Variants in SGCZ observed in about 807,000 individuals in gnomAD.
SGCZ encodes the protein zeta-sarcoglycan.
SGCZ carries 40 observed loss-of-function variants against 41.3 expected under a neutral mutation model. The ratio of observed to expected loss-of-function variants is 0.97; its 90% CI spans 0.75 to 1.26. The LOEUF (loss-of-function observed/expected upper bound fraction) is 1.26. SGCZ is among the 50% of genes most tolerant of loss of function. SGCZ has a pLI of 0.00. For missense variants in SGCZ, 552 were observed against 369.8 expected (o/e 1.49, Z -4.04); for synonymous variants, 206 against 137.5 (o/e 1.50, Z -3.49).
intron 1 of SGCZ, among the ~76,000 whole-genome samples, chr8:15,094,943 G>C (rs1806284844): frequency 6.6e-6 from 1 of 152,096 alleles, no homozygotes; most frequent in Non-Finnish European, 1.5e-5. Flanking sequence ...AAATTACCCA[G>C]TCTCGGGTAT....
At chr8:14,574,611 T>A (rs1398916268) in intron 1 of SGCZ, among the ~76,000 whole-genome samples, 1 of 152,194 alleles carries the variant, frequency 6.6e-6, no homozygotes, top group Non-Finnish European at 1.5e-5. Context: ...TACATGGTTG[T>A]TCCTCCTTTA....
intron 1 of SGCZ, among the ~76,000 whole-genome samples, chr8:14,682,062 C>A (rs1808465074): frequency 6.6e-6 from 1 of 151,892 alleles, no homozygotes; most frequent in Non-Finnish European, 1.5e-5. Flanking sequence ...TCAATCCAAC[C>A]TTTAGTCCAG....
rs527861595 is a variant in SGCZ, at chr8:14,893,716, C to A, written c.40-338790G>T. Among the ~76,000 whole-genome samples, 10 of 152,236 alleles carry A rather than the reference C, an allele frequency of 6.6e-5. No homozygotes were observed. In the East Asian group the frequency reaches 1.9e-3, roughly 29 times the overall value. ...CTGATAAGCGCTCATGGCTTTAATGCTGAAAAATATAATAACTTGCCTACC... is the reference window on the plus strand; with the variant it reads ...CTGATAAGCGCTCATGGCTTTAATGATGAAAAATATAATAACTTGCCTACC... On this transcript the variant is annotated intron_variant, in intron 1 of 7. Transcript: ENST00000382080.
At chr8:15,006,690 A>G (rs1479839810) in intron 1 of SGCZ, among the ~76,000 whole-genome samples, 1 of 152,194 alleles carries the variant, frequency 6.6e-6, no homozygotes, top group Non-Finnish European at 1.5e-5. Context: ...CAATGGTGGG[A>G]TCTGTCAAAA....
At chr8:14,633,617 A>C (rs958552392) in intron 1 of SGCZ, among the ~76,000 whole-genome samples, 27 of 151,710 alleles carry the variant, frequency 1.8e-4, no homozygotes, top group African/African-American at 6.3e-4. Flanking sequence ...ACTACAACAA[A>C]CAGCTGTTTT....
At chr8:14,394,392 AC>A (rs1422318407) in intron 2 of SGCZ, among the ~76,000 whole-genome samples, 1 of 151,638 alleles carries the variant, frequency 6.6e-6, no homozygotes, top group African/African-American at 2.4e-5. Flanking sequence ...CTCGTGATCC[AC>A]CCGCCTCGGC....
intron 2 of SGCZ, among the ~76,000 whole-genome samples, chr8:14,456,554 G>T (rs1362972479): frequency 6.6e-6 from 1 of 152,116 alleles, no homozygotes; most frequent in African/African-American, 2.4e-5. Flanking sequence ...TTGTACCAAA[G>T]AAACACAAGG....
At chr8:14,278,953 T>G (rs772872809) in intron 3 of SGCZ, among the ~76,000 whole-genome samples, 4 of 152,124 alleles carry the variant, frequency 2.6e-5, no homozygotes, top group Non-Finnish European at 5.9e-5. Flanking sequence ...AGGCCATGTA[T>G]CTCTCTGAAT....
chr8:14,148,069 C>T (rs1803582123), intron 5 of SGCZ, among the ~76,000 whole-genome samples: 1 of 151,796 alleles, frequency 6.6e-6, no homozygotes, highest in Admixed American at 6.6e-5. Flanking sequence ...CTCAGAGGGA[C>T]CATTATAGAT....
In SGCZ at chr8:14,421,327, G is replaced by A. The variant is rs10109467; in HGVS notation, c.235-97123C>T. 6.0e-3 allele frequency among the ~76,000 whole-genome samples: 918 copies of A among 152,016 alleles called. 13 individuals are homozygous for A. The highest frequency in any genetic ancestry group is 0.018 in the African/African-American group (750 of 41,450). ...CTCTTTATTATATAAAACAATATGA[G>A]GCAATTTGTAACATTTTCAAAAATT... On this transcript the variant is annotated intron_variant, in intron 2 of 7. Transcript: ENST00000382080.
intron 2 of SGCZ, among the ~76,000 whole-genome samples, chr8:14,355,952 G>A (rs980913024): frequency 6.6e-6 from 1 of 152,042 alleles, no homozygotes; most frequent in Admixed American, 6.5e-5. Flanking sequence ...ATTTCCTCAT[G>A]GTGTGAAAGT....
At chr8:14,485,260 C>A (rs962272499) in intron 2 of SGCZ, among the ~76,000 whole-genome samples, 5 of 152,038 alleles carry the variant, frequency 3.3e-5, no homozygotes, top group African/African-American at 4.8e-5. Flanking sequence ...TTCTTTTTCT[C>A]CTCCCTCCAC....
intron 5 of SGCZ, among the ~76,000 whole-genome samples, chr8:14,162,015 A>T (rs547584917): frequency 1.3e-5 from 2 of 152,318 alleles, no homozygotes; most frequent in African/African-American, 4.8e-5. Context: ...TGAATTAAAA[A>T]GCAGAAAAAC....
At chr8:14,594,693 A>T (rs1805350893) in intron 1 of SGCZ, among the ~76,000 whole-genome samples, 1 of 151,916 alleles carries the variant, frequency 6.6e-6, no homozygotes, top group Admixed American at 6.5e-5. Context: ...TCAAATTAAA[A>T]ATAAAATATG....
chr8:14,174,032 G>A (rs992318888), intron 4 of SGCZ, among the ~76,000 whole-genome samples: 1 of 151,712 alleles, frequency 6.6e-6, no homozygotes, highest in Non-Finnish European at 1.5e-5. Flanking sequence ...TTTGTAATGA[G>A]AATAATAATG....
At chr8:14,795,470 G>A (rs540288181) in intron 1 of SGCZ, among the ~76,000 whole-genome samples, 1 of 152,018 alleles carries the variant, frequency 6.6e-6, no homozygotes, top group South Asian at 2.1e-4. Context: ...TTTGAGACAG[G>A]TTCTTGCTGT....
intron 1 of SGCZ, among the ~76,000 whole-genome samples, chr8:14,693,841 C>T (rs1056140437): frequency 6.6e-6 from 1 of 152,046 alleles, no homozygotes; most frequent in Non-Finnish European, 1.5e-5. Flanking sequence ...ATCCGCCCAC[C>T]TCAGCCTCCC....
intron 2 of SGCZ, among the ~76,000 whole-genome samples, chr8:14,421,631 T>G (rs1201127314): frequency 2.0e-5 from 3 of 152,122 alleles, no homozygotes. Flanking sequence ...ACCACAGATG[T>G]GGTTTACTCT....
At chr8:14,840,964 C>T (rs573667138) in intron 1 of SGCZ, among the ~76,000 whole-genome samples, 89 of 151,940 alleles carry the variant, frequency 5.9e-4, no homozygotes, top group Admixed American at 2.2e-3. Flanking sequence ...CTTAAACTTC[C>T]CATTATTACT....
Sources: allele counts gnomAD v4.1 joint callset (sites outside exome capture counted in the v4.1 genomes callset), GRCh38; gene constraint gnomAD v4.1.1; transcripts MANE v1.5; gene names NCBI Gene and HGNC (gene_info 2026-07-23, HGNC 2026-07-21).